Variants in ZNF33A observed in about 807,000 individuals in gnomAD.
The protein encoded by ZNF33A is brain my041 protein.
ZNF33A carries 9 observed loss-of-function variants against 15.9 expected under a neutral mutation model. The observed-to-expected ratio is 0.57, with a 90% CI of 0.34 to 0.99. ZNF33A has a LOEUF of 0.99. Among genes scored for constraint, ZNF33A ranks in the 50% least tolerant of loss-of-function variants. The pLI is 0.02. For missense variants in ZNF33A, 843 were observed against 941.6 expected (o/e 0.90, Z 1.37); for synonymous variants, 294 against 324.2 (o/e 0.91, Z 1.00).
chr10:38,018,782 GA>G (rs930093838), intron 4 of ZNF33A, among the ~76,000 whole-genome samples: 3 of 152,102 alleles, frequency 2.0e-5, no homozygotes, highest in Non-Finnish European at 2.9e-5. Flanking sequence ...AGAAGGAGGG[GA>G]AAGAGGTGTT....
intron 4 of ZNF33A, among the ~76,000 whole-genome samples, chr10:38,018,954 T>A (rs529804085): frequency 7.2e-5 from 11 of 152,042 alleles, no homozygotes; most frequent in East Asian, 3.9e-4. Context: ...TTTTTTTTTT[T>A]AATTTGAGCT....
At chr10:38,014,035 ATTTTTTTTTTTTTTT>A (rs10658326) in intron 2 of ZNF33A, among the ~76,000 whole-genome samples, 3 of 80,364 alleles carry the variant, frequency 3.7e-5, no homozygotes, top group African/African-American at 5.5e-5. Flanking sequence ...ATGATGTCTG[ATTTTTTTTTTTTTTT>A]TTTTTTTTTT....
chr10:38,043,604 C>T (rs1181649514), intron 4 of ZNF33A, among the ~76,000 whole-genome samples: 2 of 152,132 alleles, frequency 1.3e-5, no homozygotes, highest in East Asian at 3.9e-4. Context: ...CCACCTCCCC[C>T]CAACAACTCC....
intron 4 of ZNF33A, among the ~76,000 whole-genome samples, chr10:38,022,102 CCT>C (rs2064771676): frequency 6.6e-6 from 1 of 151,956 alleles, no homozygotes; most frequent in Non-Finnish European, 1.5e-5. Context: ...CAAAATAAAA[CCT>C]CTGTTAAGTA....
intron 4 of ZNF33A, among the ~76,000 whole-genome samples, chr10:38,033,422 G>A (rs536372167): frequency 4.1e-4 from 63 of 152,200 alleles, no homozygotes; most frequent in African/African-American, 1.4e-3. Flanking sequence ...AATTGTTCAC[G>A]TATAAGTTTT....
At chr10:38,031,327 T>G (rs748482454) in intron 4 of ZNF33A, among the ~76,000 whole-genome samples, 11 of 152,136 alleles carry the variant, frequency 7.2e-5, no homozygotes, top group Non-Finnish European at 1.6e-4. Flanking sequence ...CTCAGCATTT[T>G]GGGAGGCCAA....
rs372889595 is a variant in ZNF33A, at chr10:38,054,478, A to G, written c.354A>G (p.Gln118=). 64 of 1,611,808 alleles carry G rather than the reference A, an allele frequency of 4.0e-5. No individual in the cohort carries two copies. The highest frequency in any genetic ancestry group is 5.3e-5 in the Non-Finnish European group (63 of 1,179,386). ...ATAATGAAATGCTGACTAAGGAACA[A>G]GGTGATGTAATAGGAATACCATTTA... ...FINNEMLTKE[Q]GDVIGIPFNV... Residue 118 remains glutamine, a synonymous_variant, in exon 5 of 5, where the codon CAA becomes CAG. Transcript: ENST00000432900.
chr10:38,031,147 A>G (rs1267896474), intron 4 of ZNF33A, among the ~76,000 whole-genome samples: 3 of 152,216 alleles, frequency 2.0e-5, no homozygotes. Context: ...AATAAGGTTG[A>G]TTGAATAAAT....
At chr10:38,050,148 T>G (rs534868118) in intron 4 of ZNF33A, among the ~76,000 whole-genome samples, 1 of 152,278 alleles carries the variant, frequency 6.6e-6, no homozygotes, top group African/African-American at 2.4e-5. Flanking sequence ...ACTTCCTAAA[T>G]CATTCTTTGA....
intron 4 of ZNF33A, among the ~76,000 whole-genome samples, chr10:38,032,934 G>C (rs1481600136): frequency 1.3e-5 from 2 of 149,304 alleles, no homozygotes; most frequent in African/African-American, 2.5e-5. Flanking sequence ...TTTTAGTAGA[G>C]ATGGGGTTTC....
chr10:38,014,889 T>TA (rs1481082209), intron 2 of ZNF33A, among the ~76,000 whole-genome samples: 3 of 152,182 alleles, frequency 2.0e-5, no homozygotes, highest in Non-Finnish European at 4.4e-5. Flanking sequence ...AAGAATTACT[T>TA]ACCTTTTTTT....
At chr10:38,026,929 C>T (rs1226178034) in intron 4 of ZNF33A, among the ~76,000 whole-genome samples, 1 of 152,134 alleles carries the variant, frequency 6.6e-6, no homozygotes, top group Non-Finnish European at 1.5e-5. Flanking sequence ...GTGAATATTT[C>T]CTGTCAGTAG....
chr10:38,046,144 A>G (rs1187995147), intron 4 of ZNF33A, among the ~76,000 whole-genome samples: 1 of 152,160 alleles, frequency 6.6e-6, no homozygotes, highest in Non-Finnish European at 1.5e-5. Context: ...GTTCTTTTCT[A>G]GAATTTGAAG....
intron 4 of ZNF33A, 63 bp from the exon 5 acceptor site, chr10:38,054,312 G>A (rs753734020): frequency 3.2e-5 from 46 of 1,448,116 alleles, no homozygotes; most frequent in East Asian, 1.7e-4. Context: ...TTTGTTTAGC[G>A]ATTTCATTCC....
At chr10:38,025,573 GC>G (rs1265653935) in intron 4 of ZNF33A, among the ~76,000 whole-genome samples, 1 of 152,220 alleles carries the variant, frequency 6.6e-6, no homozygotes, top group Non-Finnish European at 1.5e-5. Context: ...CCCTCACCAG[GC>G]CCTGGCCATG....
intron 4 of ZNF33A, among the ~76,000 whole-genome samples, chr10:38,022,340 G>A (rs2064782961): frequency 6.6e-6 from 1 of 152,022 alleles, no homozygotes; most frequent in Non-Finnish European, 1.5e-5. Flanking sequence ...AGGGAATCTT[G>A]TCAACAACTT....
chr10:38,039,282 G>C (rs999775292), intron 4 of ZNF33A: 4 of 329,072 alleles, frequency 1.2e-5, no homozygotes, highest in African/African-American at 2.2e-5. Context: ...GGAGTGCAGT[G>C]GTGCAGTCAT....
chr10:38,065,693 A>T (rs1264972042), downstream of ZNF33A, among the ~76,000 whole-genome samples: 1 of 147,272 alleles, frequency 6.8e-6, no homozygotes, highest in African/African-American at 2.5e-5. Flanking sequence ...GCCAATTTCC[A>T]TGTCTTCCCA....
chr10:38,057,094 C>A lies in ZNF33A; in HGVS notation c.*534C>A. 1.5e-6 allele frequency: 1 copy of A among 687,282 alleles called. No individual in the cohort carries two copies. Among genetic ancestry groups the A allele is most frequent in the Non-Finnish European group, 1.8e-6 (1 of 556,926 alleles). 42.6% of individuals were successfully genotyped at this position (687,282 alleles called of 1,614,324 possible). A position where few individuals can be genotyped will look rare whatever the true frequency, so the allele number is the denominator to read the frequency against. On this transcript the variant is annotated 3_prime_UTR_variant, in exon 5 of 5. Transcript: ENST00000432900. The stretch of plus-strand genomic sequence containing the variant: ...TAGATAGAGACTTAGTCAGATTTTA[C>A]TATGGTTTGCATGCACTCTGTGTGT...
Sources: allele counts gnomAD v4.1 joint callset (sites outside exome capture counted in the v4.1 genomes callset), GRCh38; gene constraint gnomAD v4.1.1; transcripts MANE v1.5; gene names NCBI Gene and HGNC (gene_info 2026-07-23, HGNC 2026-07-21).